Variants in TENM3 observed in about 807,000 individuals in gnomAD.
The protein encoded by TENM3 is teneurin-3.
Under a neutral mutation model 255.1 loss-of-function variants are expected in TENM3, and 63 were observed. That is an observed-to-expected ratio of 0.25 (90% CI 0.20 to 0.30). The LOEUF (loss-of-function observed/expected upper bound fraction) is 0.30. Ranked by LOEUF, TENM3 falls within the 10% of genes least tolerant of loss-of-function variation. The pLI is 1.00. For synonymous variants in TENM3, 1,306 were observed against 1,322.3 expected, an observed-to-expected ratio of 0.99 and a Z score of 0.27; for missense variants, 2,929 against 3,461.1, an observed-to-expected ratio of 0.85 and a Z score of 3.86.
chr4:182,162,380 A>G (rs1014176688), intron 1 of TENM3, among the ~76,000 whole-genome samples: 1 of 152,200 alleles, frequency 6.6e-6, no homozygotes, highest in African/African-American at 2.4e-5. Context: ...CATCTATTTT[A>G]GAAGCTCCAA....
the TENM3 span, among the ~76,000 whole-genome samples, chr4:181,547,491 A>G: frequency 1.0e-3 from 156 of 152,292 alleles, no homozygotes; most frequent in African/African-American, 3.6e-3. Context: ...ATAAGGAAAT[A>G]TAAAATCAAA....
chr4:181,977,820 T>C, the TENM3 span, among the ~76,000 whole-genome samples: 42 of 152,286 alleles, frequency 2.8e-4, no homozygotes, highest in East Asian at 7.9e-3. Context: ...GAGGTGACCA[T>C]GAAGATCTGT....
intron 20 of TENM3, among the ~76,000 whole-genome samples, chr4:182,752,942 A>ATTTTTTTTT: frequency 8.2e-6 from 1 of 121,714 alleles, no homozygotes; most frequent in Non-Finnish European, 1.7e-5. Context: ...TCCTTACTGA[A>ATTTTTTTTT]TTTTTTTTTT....
In TENM3 at chr4:182,528,892, G is replaced by A. The variant is rs76725068; in HGVS notation, c.512-72032G>A. 3.7e-3 allele frequency among the ~76,000 whole-genome samples: 558 copies of A among 152,344 alleles called. 6 individuals carry two copies. Among genetic ancestry groups the A allele is most frequent in the African/African-American group, 0.013 (535 of 41,586 alleles). ...CTGTCCTGGGTTGCATGTGGCCTGC[G>A]GCCCAGAGGCCACAGGTTGGACAAG... On this transcript the variant is annotated intron_variant, in intron 3 of 27. Transcript: ENST00000511685.
chr4:181,993,851 G>A, the TENM3 span, among the ~76,000 whole-genome samples: 1 of 152,040 alleles, frequency 6.6e-6, no homozygotes, highest in Non-Finnish European at 1.5e-5. Context: ...CTGCCCGTTG[G>A]TTCTCTGGAG....
chr4:181,523,816 G>A, the TENM3 span, among the ~76,000 whole-genome samples: 4 of 152,142 alleles, frequency 2.6e-5, no homozygotes, highest in South Asian at 4.1e-4. Flanking sequence ...AAGTATCTGC[G>A]TCCTTTGGTG....
chr4:182,142,610 C>T (rs1749528207), upstream of TENM3: 1 of 167,316 alleles, frequency 6.0e-6, no homozygotes, highest in Admixed American at 6.5e-5. Context: ...TGCTCTGAAG[C>T]TGAAAGTGGA....
the TENM3 span, among the ~76,000 whole-genome samples, chr4:181,740,153 A>G: frequency 1.1e-3 from 161 of 152,334 alleles, no homozygotes; most frequent in Admixed American, 2.6e-3. Context: ...CATGAAATTT[A>G]ATAAACCACT....
the TENM3 span, among the ~76,000 whole-genome samples, chr4:181,481,306 C>A: frequency 6.6e-6 from 1 of 152,088 alleles, no homozygotes; most frequent in Non-Finnish European, 1.5e-5. Context: ...CATGATGTTT[C>A]ATGCCGATGC....
chr4:182,635,894 A>G (rs1751803093), intron 5 of TENM3, among the ~76,000 whole-genome samples: 1 of 152,214 alleles, frequency 6.6e-6, no homozygotes, highest in Admixed American at 6.5e-5. Context: ...GTAGCTATAT[A>G]TGTGCAACTC....
the TENM3 span, among the ~76,000 whole-genome samples, chr4:181,812,966 A>C: frequency 6.6e-6 from 1 of 152,322 alleles, no homozygotes; most frequent in Non-Finnish European, 1.5e-5. Flanking sequence ...CCCACTATGG[A>C]AGAGAATGGT....
chr4:182,178,644 A>G (rs1356901350), intron 1 of TENM3, among the ~76,000 whole-genome samples: 1 of 151,590 alleles, frequency 6.6e-6, no homozygotes, highest in Non-Finnish European at 1.5e-5. Flanking sequence ...TTTAAGCTAA[A>G]TGGTTTGAAA....
At chr4:182,624,724 T>G (rs1750663682) in intron 4 of TENM3, among the ~76,000 whole-genome samples, 1 of 152,174 alleles carries the variant, frequency 6.6e-6, no homozygotes, top group African/African-American at 2.4e-5. Context: ...AGCTATTTCT[T>G]CCTTCATCTT....
intron 1 of TENM3, among the ~76,000 whole-genome samples, chr4:182,163,995 C>T (rs953355492): frequency 2.0e-5 from 3 of 152,130 alleles, no homozygotes. Context: ...ATATTCCACT[C>T]AAAACTTCTA....
At chr4:181,628,700 T>C in the TENM3 span, among the ~76,000 whole-genome samples, 1 of 152,334 alleles carries the variant, frequency 6.6e-6, no homozygotes, top group East Asian at 1.9e-4. Context: ...TATATCTCTG[T>C]TTTGGTACCA....
chr4:182,325,315 C>G (rs1355910616), intron 2 of TENM3, among the ~76,000 whole-genome samples: 2 of 152,170 alleles, frequency 1.3e-5, no homozygotes, highest in African/African-American at 4.8e-5. Context: ...TGGTTCTTTT[C>G]TTCCCTGCAT....
At chr4:181,869,727 G>C in the TENM3 span, among the ~76,000 whole-genome samples, 11 of 152,102 alleles carry the variant, frequency 7.2e-5, no homozygotes, top group East Asian at 3.8e-4. Flanking sequence ...GAATTTGCTT[G>C]ACATTCTTCA....
At chr4:181,983,078 A>T in the TENM3 span, among the ~76,000 whole-genome samples, 1 of 152,162 alleles carries the variant, frequency 6.6e-6, no homozygotes, top group African/African-American at 2.4e-5. Flanking sequence ...TGAATGCAAT[A>T]CTGTTTAATA....
intron 6 of TENM3, among the ~76,000 whole-genome samples, chr4:182,660,839 A>C (rs1055884558): frequency 6.6e-6 from 1 of 152,238 alleles, no homozygotes; most frequent in Non-Finnish European, 1.5e-5. Flanking sequence ...TTGTTTCCAG[A>C]GCATGTGAAT....
Sources: allele counts gnomAD v4.1 joint callset (sites outside exome capture counted in the v4.1 genomes callset), GRCh38; gene constraint gnomAD v4.1.1; transcripts MANE v1.5; gene names NCBI Gene and HGNC (gene_info 2026-07-23, HGNC 2026-07-21).